Variants in SLC5A12 observed in about 807,000 individuals in gnomAD.
The protein encoded by SLC5A12 is sodium-coupled monocarboxylate transporter 2.
In SLC5A12, 46 loss-of-function variants were observed where a neutral mutation model predicts 72.7. The observed-to-expected ratio is 0.63, with a 90% CI of 0.50 to 0.81. The LOEUF (loss-of-function observed/expected upper bound fraction) is 0.81. Ranked by LOEUF, SLC5A12 falls within the 30% of genes least tolerant of loss-of-function variation. The pLI is 0.00. For synonymous variants in SLC5A12, 275 were observed against 264.4 expected (o/e 1.04, Z -0.39); for missense variants, 683 against 740.7 (o/e 0.92, Z 0.90).
intron 6 of SLC5A12, 142 bp from the exon 7 acceptor site, chr11:26,698,677 CTT>C: frequency 1.5e-6 from 1 of 651,714 alleles, no homozygotes; most frequent in East Asian, 3.0e-5. Flanking sequence ...AATCACTACA[CTT>C]TATACTTTTG....
rs1854400822 is a variant in SLC5A12, at chr11:26,681,079, G to A, written c.1451C>T (p.Thr484Ile). 5 of 1,609,228 alleles carry A rather than the reference G, an allele frequency of 3.1e-6. No homozygotes were observed. Among genetic ancestry groups the A allele is most frequent in the Non-Finnish European group, 4.2e-6 (5 of 1,177,496 alleles). ...CCTGCTGGATAGTACTGGAGGCCCT[G>A]TTGCTGTCACATTTGATTTGATACA... ...DQCIKSNVTA[T>I]GPPVLSSRPG... Residue 484 changes from threonine (T) to isoleucine (I), a missense_variant, in exon 12 of 15, where the codon ACA (threonine) becomes ATA (isoleucine). Transcript: ENST00000396005.
chr11:26,682,970 G>C (rs1854444652), intron 11 of SLC5A12, among the ~76,000 whole-genome samples: 1 of 152,054 alleles, frequency 6.6e-6, no homozygotes, highest in African/African-American at 2.4e-5. Context: ...TAGCCACAGA[G>C]ACCTAATCAA....
In SLC5A12 at chr11:26,721,257, A is replaced by C. The variant is rs1266358680; in HGVS notation, c.339+119T>G. ...CTTAGGCTTTTTACAAAAACATTTT[A>C]ATGTCTTTCTCATAATGTGTAATTA... On this transcript the variant is annotated intron_variant, in intron 1 of 14. Transcript: ENST00000396005. 1.8e-5 allele frequency: 14 copies of C among 778,188 alleles called. No homozygotes were observed. In the East Asian group the frequency reaches 3.8e-4, roughly 21 times the overall value. 48.2% of individuals were successfully genotyped at this position (778,188 alleles called of 1,614,324 possible).
chr11:26,689,554 T>C (rs955246044), intron 9 of SLC5A12, among the ~76,000 whole-genome samples: 3 of 152,136 alleles, frequency 2.0e-5, no homozygotes, highest in African/African-American at 4.8e-5. Context: ...TAGGAGAACT[T>C]TCCACGGTGA....
At chr11:26,711,986 G>T (rs1284336008) in intron 2 of SLC5A12, among the ~76,000 whole-genome samples, 1 of 152,078 alleles carries the variant, frequency 6.6e-6, no homozygotes, top group Admixed American at 6.6e-5. Context: ...TCTATGGGCA[G>T]GTAAAGGAGC....
chr11:26,676,210 A>C (rs1335456265), intron 13 of SLC5A12, among the ~76,000 whole-genome samples: 1 of 152,124 alleles, frequency 6.6e-6, no homozygotes, highest in African/African-American at 2.4e-5. Context: ...TAATACAAAG[A>C]TTACTTTTTT....
chr11:26,672,219 G>C (rs12361861), intron 14 of SLC5A12, among the ~76,000 whole-genome samples: 54,387 of 151,948 alleles, frequency 0.36, 10,347 homozygotes, highest in South Asian at 0.48. Flanking sequence ...AATAAACTCA[G>C]CTTTAGGTGA....
At chr11:26,703,384 G>A in intron 6 of SLC5A12, 147 bp downstream of exon 6, 1 of 859,946 alleles carries the variant, frequency 1.2e-6, no homozygotes. Context: ...AGTTGAAAGA[G>A]TTAAGTGAGT....
In SLC5A12 at chr11:26,686,507, C is replaced by T; in HGVS notation, c.1191G>A (p.Val397=). Residue 397 remains valine, a synonymous_variant, in exon 10 of 15, where the codon GTG becomes GTA. Coordinates refer to ENST00000396005, the MANE Select transcript of SLC5A12 (RefSeq NM_178498.4). ...CAACACCTCCCATGACAGATGCAGC[C>T]ACAGCCATAGAGGTACACATCACGC... ...LFGVMCTSMA[V]AASVMGGVVQ... 1 of 1,613,956 alleles carries T rather than the reference C, an allele frequency of 6.2e-7. No individual in the cohort carries two copies. Among genetic ancestry groups the T allele is most frequent in the Non-Finnish European group, 8.5e-7 (1 of 1,179,924 alleles).
chr11:26,718,108 T>C (rs1345209087), intron 1 of SLC5A12, among the ~76,000 whole-genome samples: 22 of 152,172 alleles, frequency 1.4e-4, no homozygotes, highest in Admixed American at 1.4e-3. Flanking sequence ...CTAGAAAGCA[T>C]ACCTTTCAAT....
chr11:26,692,542 C>A lies in SLC5A12; in HGVS notation c.1100G>T (p.Ser367Ile). ...CTTGTCGGAGAGATGAGGAAAACAG[C>A]TCTTGACAAAATCCTCAAAGGTCAC... is the stretch of plus-strand genomic sequence containing the variant. ...ATVTFEDFVK[S>I]CFPHLSDKLS... The change falls in exon 9 of 15, where the codon AGC (serine) becomes ATC (isoleucine). Residue 367 changes from serine (S) to isoleucine (I), a missense_variant. Transcript: ENST00000396005. 5.6e-6 allele frequency: 9 copies of A among 1,614,094 alleles called. No homozygotes were observed. The highest frequency in any genetic ancestry group is 7.6e-6 in the Non-Finnish European group (9 of 1,179,968).
intron 11 of SLC5A12, among the ~76,000 whole-genome samples, chr11:26,682,593 T>C (rs908334007): frequency 6.6e-6 from 1 of 152,174 alleles, no homozygotes; most frequent in African/African-American, 2.4e-5. Context: ...GGCCATGTCT[T>C]AGAGGCTGGT....
intron 11 of SLC5A12, among the ~76,000 whole-genome samples, chr11:26,682,243 T>C (rs1854425251): frequency 6.6e-6 from 1 of 152,134 alleles, no homozygotes; most frequent in Admixed American, 6.6e-5. Flanking sequence ...ATATTATTCT[T>C]CTTTTGACTT....
rs759932205 is a variant in SLC5A12 at position 26,678,707 on chromosome 11, C to G, written c.1579+5G>C. 1.9e-6 allele frequency: 3 copies of G among 1,608,042 alleles called. No individual in the cohort carries two copies. The highest frequency in any genetic ancestry group is 2.6e-6 in the Non-Finnish European group (3 of 1,176,076). ...TTAGTCCCAAAGGGAGGAATTATAA[C>G]CAACCTGTTATGAGGCTGATGATTA... On this transcript the variant is annotated splice_donor_5th_base_variant and intron_variant, in intron 13 of 14. Coordinates refer to ENST00000396005, the MANE Select transcript of SLC5A12 (RefSeq NM_178498.4).
intron 10 of SLC5A12, among the ~76,000 whole-genome samples, chr11:26,685,544 G>C (rs1454533258): frequency 1.3e-5 from 2 of 151,822 alleles, no homozygotes; most frequent in African/African-American, 4.8e-5. Flanking sequence ...GGAGGCAGAG[G>C]TTGCAGTGAA....
chr11:26,673,173 C>A (rs1854183622), intron 14 of SLC5A12, among the ~76,000 whole-genome samples: 1 of 152,094 alleles, frequency 6.6e-6, no homozygotes, highest in African/African-American at 2.4e-5. Flanking sequence ...GAAAACTGAC[C>A]ACCTGCAATG....
chr11:26,669,161 C>CTTTTTCTTTCTTTCT lies in SLC5A12; in HGVS notation c.*1940_*1941insAGAAAGAAAGAAAAA, dbSNP rs879635181. ...TCTTTCTGTCTCTCTCTTCCTCTTC[C>CTTTTTCTTTCTTTCT]TGTCTTTTTCTTTCTTTCTTTCTTC... is the stretch of plus-strand genomic sequence containing the variant. On this transcript the variant is annotated 3_prime_UTR_variant, in exon 15 of 15. Coordinates refer to ENST00000396005, the MANE Select transcript of SLC5A12 (RefSeq NM_178498.4). The CTTTTTCTTTCTTTCT allele has an allele frequency of 1.9e-5, 1 of 52,122 alleles. No homozygotes were observed. The highest frequency in any genetic ancestry group is 4.9e-5 in the Non-Finnish European group (1 of 20,236). The allele number at this position is 52,122 out of a possible 1,614,324, so 3.2% of individuals were successfully genotyped here. A position where few individuals can be genotyped will look rare whatever the true frequency, so the allele number is the denominator to read the frequency against.
At chr11:26,682,292 G>A (rs1854426349) in intron 11 of SLC5A12, among the ~76,000 whole-genome samples, 1 of 151,994 alleles carries the variant, frequency 6.6e-6, no homozygotes, top group South Asian at 2.1e-4. Flanking sequence ...ACCATTTCTA[G>A]CTTGAAGCCA....
At chr11:26,722,182 G>T (rs987046251), upstream of SLC5A12, 1 of 157,596 alleles carries the variant, frequency 6.3e-6, no homozygotes, top group East Asian at 1.9e-4. Context: ...TCGTGAGATG[G>T]AATCTGTAAA....
Sources: allele counts gnomAD v4.1 joint callset (sites outside exome capture counted in the v4.1 genomes callset), GRCh38; gene constraint gnomAD v4.1.1; transcripts MANE v1.5; gene names NCBI Gene and HGNC (gene_info 2026-07-23, HGNC 2026-07-21).